The following GFRA2 variants were observed in gnomAD, a reference collection of about 807,000 sequenced individuals.
The protein encoded by GFRA2 is GDNF family receptor alpha 2, also known as GDNF family receptor alpha-2.
Under a neutral mutation model 48.3 loss-of-function variants are expected in GFRA2, and 17 were observed. The observed-to-expected ratio is 0.35, with a 90% CI of 0.24 to 0.53. The LOEUF (loss-of-function observed/expected upper bound fraction) is 0.53. Among genes scored for constraint, GFRA2 ranks in the 20% least tolerant of loss-of-function variants. GFRA2 has a pLI of 0.93. For synonymous variants in GFRA2, 305 were observed against 257.2 expected, an observed-to-expected ratio of 1.19 and a Z score of -1.78; for missense variants, 660 against 637.3, an observed-to-expected ratio of 1.04 and a Z score of -0.38.
chr8:21,727,155 CCCA>C (rs1445267744), intron 4 of GFRA2, among the ~76,000 whole-genome samples: 3 of 152,174 alleles, frequency 2.0e-5, no homozygotes, highest in African/African-American at 7.2e-5. Flanking sequence ...CCCTTCTGTT[CCCA>C]CGAGGTGTTT....
chr8:21,787,976 T>TCG, intron 1 of GFRA2, 144 bp downstream of exon 1: 1 of 442,796 alleles, frequency 2.3e-6, no homozygotes, highest in East Asian at 3.9e-5. Context: ...CCGGCCCCGC[T>TCG]CGGTTCGCCA....
At chr8:21,761,373 T>C (rs1185183037) in intron 3 of GFRA2, among the ~76,000 whole-genome samples, 1 of 152,210 alleles carries the variant, frequency 6.6e-6, no homozygotes, top group Non-Finnish European at 1.5e-5. Flanking sequence ...AGTAAACAGA[T>C]GGAAACTTTC....
intron 3 of GFRA2, among the ~76,000 whole-genome samples, chr8:21,773,459 C>T (rs112919023): frequency 0.047 from 7,140 of 152,334 alleles, 220 homozygotes; most frequent in Non-Finnish European, 0.072. Context: ...ACTAGGGACA[C>T]GTGTATCATC....
chr8:21,731,931 C>T (rs1804216402), intron 4 of GFRA2, among the ~76,000 whole-genome samples: 1 of 152,210 alleles, frequency 6.6e-6, no homozygotes, highest in African/African-American at 2.4e-5. Context: ...TGCAAGTTCA[C>T]CCAGAGTCAA....
chr8:21,744,471 C>T (rs143809232), intron 4 of GFRA2, among the ~76,000 whole-genome samples: 18 of 151,908 alleles, frequency 1.2e-4, no homozygotes, highest in Non-Finnish European at 2.2e-4. Context: ...TTTCAGAGGA[C>T]CGCTTCCAAA....
chr8:21,738,818 G>A lies in GFRA2; in HGVS notation c.794+11770C>T, dbSNP rs566810193. On this transcript the variant is annotated intron_variant, in intron 4 of 8. Transcript: ENST00000524240. ...TGACAGCCAGGGCAAGCCTGTGGGC[G>A]CCTTAGGGAAGGTCTGCGGTTCACT... Among the ~76,000 whole-genome samples, 9 of 152,300 alleles carry A rather than the reference G, an allele frequency of 5.9e-5. No homozygotes were observed. In the South Asian group the frequency reaches 1.0e-3, roughly 18 times the overall value.
chr8:21,741,973 T>C (rs1337999851), intron 4 of GFRA2, among the ~76,000 whole-genome samples: 1 of 146,832 alleles, frequency 6.8e-6, no homozygotes, highest in East Asian at 2.0e-4. Flanking sequence ...GGTAGTAATA[T>C]AAAATGAGAA....
intron 1 of GFRA2, among the ~76,000 whole-genome samples, chr8:21,808,021 G>T (rs1254750571): frequency 1.3e-5 from 2 of 152,170 alleles, no homozygotes; most frequent in African/African-American, 4.8e-5. Context: ...CTCATATGAG[G>T]TAGTGTGTGT....
chr8:21,779,591 G>A (rs1208251617), intron 2 of GFRA2: 2 of 152,236 alleles, frequency 1.3e-5, no homozygotes, highest in African/African-American at 2.4e-5. Flanking sequence ...GTACGCTACA[G>A]AGTCCGGCTC....
intron 3 of GFRA2, among the ~76,000 whole-genome samples, chr8:21,768,729 C>G (rs571752357): frequency 0.034 from 5,112 of 152,186 alleles, 113 homozygotes; most frequent in Non-Finnish European, 0.038. Context: ...GGATAAGTCT[C>G]TCCCCACACC....
At chr8:21,712,214 G>A (rs1336541336) in intron 4 of GFRA2, among the ~76,000 whole-genome samples, 1 of 152,258 alleles carries the variant, frequency 6.6e-6, no homozygotes, top group Admixed American at 6.5e-5. Flanking sequence ...CCCAGACGGG[G>A]TGGCTGCCGG....
At chr8:21,717,121 T>C (rs1003769734) in intron 4 of GFRA2, among the ~76,000 whole-genome samples, 7 of 152,260 alleles carry the variant, frequency 4.6e-5, no homozygotes, top group Non-Finnish European at 8.8e-5. Flanking sequence ...GGCTGAATTC[T>C]TTCTCCCAAG....
intron 1 of GFRA2, chr8:21,784,251 G>A: frequency 2.2e-6 from 1 of 455,186 alleles, no homozygotes; most frequent in South Asian, 1.6e-5. Flanking sequence ...CGTCTTCCCA[G>A]TCCCCCTGTC....
chr8:21,762,114 C>T (rs1033464242), intron 3 of GFRA2, among the ~76,000 whole-genome samples: 2 of 152,076 alleles, frequency 1.3e-5, no homozygotes, highest in African/African-American at 4.8e-5. Context: ...AAAATGGTCC[C>T]CAGTCTTCCC....
intron 1 of GFRA2, among the ~76,000 whole-genome samples, chr8:21,805,532 A>G (rs1466740827): frequency 6.6e-6 from 1 of 152,092 alleles, no homozygotes; most frequent in Non-Finnish European, 1.5e-5. Context: ...GGGGCCTTGG[A>G]GTTTATACAA....
Position 21,788,220 on chromosome 8 carries a change from TAAC to T in GFRA2, c.-64_-62del, listed in dbSNP as rs1253462497. On this transcript the variant is annotated 5_prime_UTR_variant, in exon 1 of 9. Coordinates refer to ENST00000524240, the MANE Select transcript of GFRA2 (RefSeq NM_001495.5). Reference sequence around the variant, plus strand: ...CTTGGGTAAAAAAAAATAATAGTAGTAACAACAACAATAATAATAGGCAAGCAG... The same window carrying T: ...CTTGGGTAAAAAAAAATAATAGTAGTAACAACAATAATAATAGGCAAGCAG... The T allele has an allele frequency of 2.7e-5, 43 of 1,584,806 alleles. No individual in the cohort carries two copies. In the African/African-American group the frequency reaches 3.8e-4, roughly 14 times the overall value.
At chr8:21,733,739 C>A (rs1229386854) in intron 4 of GFRA2, among the ~76,000 whole-genome samples, 1 of 152,132 alleles carries the variant, frequency 6.6e-6, no homozygotes, top group Admixed American at 6.5e-5. Context: ...AACTTTATGA[C>A]TATTGATGGG....
At chr8:21,745,877 C>T (rs1563243120) in intron 4 of GFRA2, among the ~76,000 whole-genome samples, 1 of 152,218 alleles carries the variant, frequency 6.6e-6, no homozygotes, top group South Asian at 2.1e-4. Flanking sequence ...CCTGCTCCCA[C>T]ACCATCCACC....
At chr8:21,794,204 T>G (rs906608140) in intron 2 of GFRA2, among the ~76,000 whole-genome samples, 1 of 143,876 alleles carries the variant, frequency 7.0e-6, no homozygotes, top group Non-Finnish European at 1.5e-5. Context: ...TTTTTTATTC[T>G]AAAAAAATTA....
Sources: gnomAD v4.1 joint callset for allele counts (sites outside exome capture counted in the v4.1 genomes callset) on GRCh38, gnomAD v4.1.1 for gene constraint, MANE v1.5 for transcripts, NCBI Gene and HGNC (gene_info 2026-07-23, HGNC 2026-07-21) for gene names.